The following HMCN1 variants were observed in gnomAD, a reference collection of about 807,000 sequenced individuals.
HMCN1 encodes the protein hemicentin-1.
HMCN1 carries 321 observed loss-of-function variants against 625.9 expected under a neutral mutation model. The observed-to-expected ratio is 0.51, with a 90% confidence interval of 0.47 to 0.56. The LOEUF is 0.56. Among genes scored for constraint, HMCN1 ranks in the 20% least tolerant of loss-of-function variants. The pLI is 0.00. For missense variants in HMCN1, 6,588 were observed against 6,887.3 expected, an observed-to-expected ratio of 0.96 and a Z score of 1.54; for synonymous variants, 2,425 against 2,417.6, an observed-to-expected ratio of 1.00 and a Z score of -0.09.
intron 8 of HMCN1, among the ~76,000 whole-genome samples, 154 bp downstream of exon 8, chr1:185,923,807 GT>G (rs1667124010): frequency 6.6e-6 from 1 of 152,134 alleles, no homozygotes; most frequent in Non-Finnish European, 1.5e-5. Context: ...CGGTAACACA[GT>G]TTTTCTTAGC....
chr1:186,132,253 A>G lies in HMCN1; in HGVS notation c.13231-75A>G. 3.1e-6 allele frequency: 3 copies of G among 983,158 alleles called. No individual in the cohort carries two copies. In the South Asian group the frequency reaches 4.1e-5, roughly 13 times the overall value. 60.9% of individuals were successfully genotyped at this position (983,158 alleles called of 1,614,324 possible). A position where few individuals can be genotyped will look rare whatever the true frequency, so the allele number is the denominator to read the frequency against. ...TCAAAAATGAAATTTCAAATAAACT[A>G]GCATCATGGTGAAAAAAGTGATTGC... On this transcript the variant is annotated intron_variant, in intron 85 of 106. Coordinates refer to ENST00000271588, the MANE Select transcript of HMCN1 (RefSeq NM_031935.3).
chr1:186,009,424 C>T (rs1044212781), intron 30 of HMCN1, among the ~76,000 whole-genome samples: 3 of 152,000 alleles, frequency 2.0e-5, no homozygotes, highest in Admixed American at 6.6e-5. Flanking sequence ...TAGCAATGCT[C>T]GCCTGCATCT....
At chr1:186,136,574 C>T (rs1649616933) in intron 86 of HMCN1, 94 bp from the exon 87 acceptor site, 1 of 1,140,998 alleles carries the variant, frequency 8.8e-7, no homozygotes, top group Non-Finnish European at 1.3e-6. Flanking sequence ...ACAAATCAAT[C>T]ACTTTTTTCA....
rs776609897 is a variant in HMCN1, at chr1:186,137,546, C to T, written c.13631C>T (p.Thr4544Ile). The T allele has an allele frequency of 1.7e-5, 27 of 1,613,798 alleles. No individual in the cohort carries two copies. Among genetic ancestry groups the T allele is most frequent in the Non-Finnish European group, 2.3e-5 (27 of 1,179,912 alleles). Residue 4544 changes from threonine (T) to isoleucine (I), a missense_variant, in exon 88 of 107, where the codon ACC becomes ATC. Coordinates refer to ENST00000271588, the MANE Select transcript of HMCN1 (RefSeq NM_031935.3). The stretch of plus-strand genomic sequence containing the variant: ...TCTGCATGGAGAGCCTGCAGTGTCA[C>T]CTGTGGAAAAGGCATCCAAAAGAGG... ...QWSAWRACSV[T>I]CGKGIQKRSR...
chr1:185,794,601 A>ATTTTTTTTTTTTTTTTTTT (rs34098989), intron 1 of HMCN1, among the ~76,000 whole-genome samples: 5 of 111,194 alleles, frequency 4.5e-5, no homozygotes, highest in African/African-American at 7.4e-5. Context: ...GTCTTTACAC[A>ATTTTTTTTTTTTTTTTTTT]TTTTTTTTTT....
At chr1:186,115,223 C>CT (rs1553299055) in intron 74 of HMCN1, 35 bp from the exon 75 acceptor site, 1 of 1,612,220 alleles carries the variant, frequency 6.2e-7, no homozygotes, top group East Asian at 2.2e-5. Context: ...TATTTGCTGA[C>CT]TGTGTTTCCT....
At chr1:186,010,827 G>A (rs1653952498) in intron 30 of HMCN1, among the ~76,000 whole-genome samples, 1 of 152,010 alleles carries the variant, frequency 6.6e-6, no homozygotes, top group African/African-American at 2.4e-5. Flanking sequence ...CAAAATAAAG[G>A]AGATAATATA....
chr1:185,991,715 A>ATT (rs1328439680), intron 22 of HMCN1, among the ~76,000 whole-genome samples: 37 of 150,900 alleles, frequency 2.5e-4, no homozygotes, highest in African/African-American at 7.4e-4. Context: ...TTTTTTTTAA[A>ATT]AAAAAAAACA....
At chr1:186,086,127 A>G (rs2102396008) in intron 57 of HMCN1, 119 bp from the exon 58 acceptor site, 1 of 893,698 alleles carries the variant, frequency 1.1e-6, no homozygotes, top group East Asian at 2.5e-5. Flanking sequence ...ACAGCTAGAT[A>G]ATGAACAGAA....
At chr1:185,780,084 T>C (rs935532179) in intron 1 of HMCN1, among the ~76,000 whole-genome samples, 1 of 152,228 alleles carries the variant, frequency 6.6e-6, no homozygotes, top group African/African-American at 2.4e-5. Context: ...GTTGGATTCC[T>C]AGATATTTTA....
At chr1:185,961,910 G>A (rs1650049989) in intron 11 of HMCN1, among the ~76,000 whole-genome samples, 1 of 152,072 alleles carries the variant, frequency 6.6e-6, no homozygotes, top group Non-Finnish European at 1.5e-5. Context: ...ACAATTCAGA[G>A]CCAAGTTACA....
intron 4 of HMCN1, among the ~76,000 whole-genome samples, 174 bp from the exon 5 acceptor site, chr1:185,909,163 A>T (rs1036461793): frequency 1.3e-5 from 2 of 152,086 alleles, no homozygotes; most frequent in Non-Finnish European, 2.9e-5. Context: ...TTTGTTTTGA[A>T]TGTACACTAA....
chr1:186,182,401 C>G, intron 105 of HMCN1, 114 bp downstream of exon 105: 1 of 1,206,922 alleles, frequency 8.3e-7, no homozygotes, highest in Non-Finnish European at 1.2e-6. Context: ...CTTACCCATT[C>G]CCGTGGGTCA....
chr1:185,918,097 T>C (rs1335088589), intron 6 of HMCN1, among the ~76,000 whole-genome samples: 1 of 152,194 alleles, frequency 6.6e-6, no homozygotes, highest in African/African-American at 2.4e-5. Flanking sequence ...TTAGGAAGAA[T>C]TGGCTCACAC....
chr1:186,019,976 G>T (rs561721850), intron 35 of HMCN1, among the ~76,000 whole-genome samples: 2 of 151,886 alleles, frequency 1.3e-5, no homozygotes, highest in African/African-American at 4.8e-5. Context: ...TAAAAAACTG[G>T]TGTCTCACAG....
At chr1:186,051,278 A>G (rs1459658078) in intron 42 of HMCN1, among the ~76,000 whole-genome samples, 3 of 152,078 alleles carry the variant, frequency 2.0e-5, no homozygotes, top group African/African-American at 7.2e-5. Context: ...TAATAAGTTG[A>G]ATCAACATGA....
intron 63 of HMCN1, among the ~76,000 whole-genome samples, chr1:186,089,914 A>AT (rs1659744097): frequency 6.6e-6 from 1 of 151,860 alleles, no homozygotes; most frequent in Non-Finnish European, 1.5e-5. Flanking sequence ...ATGTTTAAGA[A>AT]TTTTCTCTCC....
intron 89 of HMCN1, 54 bp from the exon 90 acceptor site, chr1:186,144,119 G>A (rs1650132906): frequency 6.6e-7 from 1 of 1,514,864 alleles, no homozygotes; most frequent in South Asian, 1.3e-5. Context: ...TATAATTTTG[G>A]TTTTAAACAA....
intron 2 of HMCN1, among the ~76,000 whole-genome samples, chr1:185,860,619 C>T (rs1376859230): frequency 6.6e-6 from 1 of 152,204 alleles, no homozygotes; most frequent in South Asian, 2.1e-4. Context: ...TTAAAATGTT[C>T]TCTTTTTACT....
Sources: gnomAD v4.1 joint callset for allele counts (sites outside exome capture counted in the v4.1 genomes callset) on GRCh38, gnomAD v4.1.1 for gene constraint, MANE v1.5 for transcripts, NCBI Gene and HGNC (gene_info 2026-07-23, HGNC 2026-07-21) for gene names.